The following GSG1L variants were observed in gnomAD, a reference collection of about 807,000 sequenced individuals.
GSG1L encodes the protein GSG1 like, also known as germ cell-specific gene 1-like protein.
GSG1L carries 24 observed loss-of-function variants against 42.1 expected under a neutral mutation model. The ratio of observed to expected loss-of-function variants is 0.57; its 90% CI spans 0.41 to 0.80. The LOEUF (loss-of-function observed/expected upper bound fraction) is 0.80. Ranked by LOEUF, GSG1L falls within the 30% of genes least tolerant of loss-of-function variation. The pLI is 0.00. For synonymous variants in GSG1L, 215 were observed against 203.5 expected (o/e 1.06, Z -0.48); for missense variants, 445 against 472.2 (o/e 0.94, Z 0.53).
rs148127703 is a variant in GSG1L, at chr16:28,059,394, C to A, written c.349+3682G>T. Among the ~76,000 whole-genome samples, 27 of 152,182 alleles carry A rather than the reference C, an allele frequency of 1.8e-4. No homozygotes were observed. In the East Asian group the frequency reaches 4.8e-3, roughly 27 times the overall value. ...TCTGGCTTCACACCCACCCCGTCAC[C>A]ACCCAGCCCTGGGACTGGTCTCTCT... On this transcript the variant is annotated intron_variant, in intron 1 of 6. Transcript: ENST00000447459. The surrounding 1 kb of genome is among the most constrained non-coding windows in gnomAD (Gnocchi z 4.4).
intron 6 of GSG1L, among the ~76,000 whole-genome samples, chr16:27,801,283 G>A (rs2082878917): frequency 6.6e-6 from 1 of 152,194 alleles, no homozygotes; most frequent in Non-Finnish European, 1.5e-5. Context: ...ATTGCCGAGT[G>A]AACCAGAGAT....
intron 5 of GSG1L, among the ~76,000 whole-genome samples, chr16:27,825,288 G>A (rs1372202269): frequency 6.6e-6 from 1 of 152,170 alleles, no homozygotes; most frequent in African/African-American, 2.4e-5. Context: ...GAAACAAGAC[G>A]GCATAGGTCT....
Position 27,860,770 on chromosome 16 carries a change from G to A in GSG1L, c.551-15709C>T, listed in dbSNP as rs373101634. Among the ~76,000 whole-genome samples the A allele has an allele frequency of 7.9e-5, 12 of 152,338 alleles. No individual in the cohort carries two copies. The East Asian group carries it at 1.9e-3, about 24-fold the overall frequency. ...AGGGAGACAGCAGCAGCTCTTCTGT[G>A]TGAAACCAGGACAGGACGCCAGCCT... On this transcript the variant is annotated intron_variant, in intron 3 of 6. Transcript: ENST00000447459.
At chr16:27,939,585 G>GCTACAA (rs1193487179) in intron 2 of GSG1L, among the ~76,000 whole-genome samples, 2 of 152,170 alleles carry the variant, frequency 1.3e-5, no homozygotes, top group Non-Finnish European at 2.9e-5. Context: ...CACCAGAACA[G>GCTACAA]GACTTCTGAG....
At chr16:28,003,040 T>C (rs2141145983) in intron 1 of GSG1L, among the ~76,000 whole-genome samples, 1 of 152,232 alleles carries the variant, frequency 6.6e-6, no homozygotes, top group East Asian at 1.9e-4. Flanking sequence ...GGAATGAACT[T>C]GGAGTGCTGG....
chr16:27,913,539 G>T (rs931088818), intron 2 of GSG1L, among the ~76,000 whole-genome samples: 5 of 152,112 alleles, frequency 3.3e-5, no homozygotes, highest in African/African-American at 1.2e-4. Flanking sequence ...TGAGAGCAGG[G>T]GTTGTCAAAC....
intron 6 of GSG1L, among the ~76,000 whole-genome samples, chr16:27,804,069 A>AGATAGATAGATAGAT (rs1222329016): frequency 5.9e-5 from 9 of 152,042 alleles, no homozygotes; most frequent in African/African-American, 1.9e-4. Flanking sequence ...ATAGATAGAT[A>AGATAGATAGATAGAT]GATAGATAGA....
At chr16:27,857,959 C>A (rs1336898049) in intron 3 of GSG1L, among the ~76,000 whole-genome samples, 1 of 152,158 alleles carries the variant, frequency 6.6e-6, no homozygotes, top group African/African-American at 2.4e-5. Context: ...CCCCAGCTCA[C>A]CCCCCACCAG....
At chr16:28,054,107 T>TCCTCCTCC (rs1215494316) in intron 1 of GSG1L, among the ~76,000 whole-genome samples, 1 of 151,940 alleles carries the variant, frequency 6.6e-6, no homozygotes, top group Non-Finnish European at 1.5e-5. Context: ...TCTCCTGCCC[T>TCCTCCTCC]CCTCCTCCCC....
At chr16:27,996,009 C>T (rs1309221054) in intron 1 of GSG1L, among the ~76,000 whole-genome samples, 1 of 151,892 alleles carries the variant, frequency 6.6e-6, no homozygotes, top group Admixed American at 6.6e-5. Flanking sequence ...AGACCAGCCT[C>T]GGCAACATAG....
At chr16:28,000,963 C>A (rs1596688688) in intron 1 of GSG1L, among the ~76,000 whole-genome samples, 1 of 152,192 alleles carries the variant, frequency 6.6e-6, no homozygotes, top group Admixed American at 6.5e-5. Flanking sequence ...AGCATCTCCA[C>A]ACTGAGACAA....
At chr16:28,061,630 C>G (rs1367474615) in intron 1 of GSG1L, among the ~76,000 whole-genome samples, 1 of 152,166 alleles carries the variant, frequency 6.6e-6, no homozygotes, top group Non-Finnish European at 1.5e-5. Flanking sequence ...CCGGGCTGGC[C>G]CTCACAGAGT....
chr16:28,055,392 A>T (rs577420837), intron 1 of GSG1L, among the ~76,000 whole-genome samples: 24 of 152,076 alleles, frequency 1.6e-4, no homozygotes, highest in Middle Eastern at 3.4e-3. Flanking sequence ...TCCCCAAGGG[A>T]TCCCAAAGTG....
At chr16:27,994,440 C>T (rs1350062006) in intron 1 of GSG1L, among the ~76,000 whole-genome samples, 1 of 152,206 alleles carries the variant, frequency 6.6e-6, no homozygotes, top group Admixed American at 6.5e-5. Flanking sequence ...CTGTCTTTAA[C>T]ATTGCTCTAA....
intron 1 of GSG1L, among the ~76,000 whole-genome samples, chr16:27,998,742 C>A (rs1334514261): frequency 6.6e-6 from 1 of 151,982 alleles, no homozygotes; most frequent in Non-Finnish European, 1.5e-5. Flanking sequence ...TGTGATCGCG[C>A]CACTGCCCTC....
chr16:27,983,045 C>T (rs1826024576), intron 1 of GSG1L, among the ~76,000 whole-genome samples: 1 of 152,106 alleles, frequency 6.6e-6, no homozygotes, highest in African/African-American at 2.4e-5. Flanking sequence ...AAACAAACTT[C>T]TATTGCTAGC....
intron 2 of GSG1L, among the ~76,000 whole-genome samples, chr16:27,886,332 C>T (rs531010578): frequency 2.0e-5 from 3 of 152,188 alleles, no homozygotes; most frequent in Middle Eastern, 3.4e-3. Context: ...ACCAGCTACT[C>T]GGGAGGCTGA....
chr16:28,022,543 C>T (rs1349961450), intron 1 of GSG1L, among the ~76,000 whole-genome samples: 1 of 151,836 alleles, frequency 6.6e-6, no homozygotes, highest in African/African-American at 2.4e-5. Flanking sequence ...GCTGTGATCT[C>T]GGCTCACTGC....
chr16:27,865,843 G>A (rs1039154131), intron 3 of GSG1L, among the ~76,000 whole-genome samples: 2 of 151,560 alleles, frequency 1.3e-5, no homozygotes, highest in Non-Finnish European at 2.9e-5. Context: ...GACCACAGGT[G>A]CACACCACTA....
Sources: gnomAD v4.1 joint callset for allele counts (sites outside exome capture counted in the v4.1 genomes callset) on GRCh38, gnomAD v4.1.1 for gene constraint, Gnocchi (gnomAD v3.1) non-coding constraint, MANE v1.5 for transcripts, NCBI Gene and HGNC (gene_info 2026-07-23, HGNC 2026-07-21) for gene names.